B3GAT3: variants seen among roughly 807,000 people sequenced by gnomAD.
B3GAT3 encodes beta-1,3-glucuronyltransferase 3, also known as galactosylgalactosylxylosylprotein 3-beta-glucuronosyltransferase 3.
In B3GAT3, 19 loss-of-function variants were observed where a neutral mutation model predicts 33.1. The ratio of observed to expected loss-of-function variants is 0.57; its 90% CI spans 0.40 to 0.84. The LOEUF is 0.84. Ranked by LOEUF, B3GAT3 falls within the 40% of genes least tolerant of loss-of-function variation. The pLI is 0.00. For missense variants in B3GAT3, 344 were observed against 441.5 expected (o/e 0.78, Z 1.98); for synonymous variants, 167 against 193.5 (o/e 0.86, Z 1.14).
chr11:62,617,131 G>C lies in B3GAT3; in HGVS notation c.474C>G (p.Val158=). 2 of 1,613,962 alleles carry C rather than the reference G, an allele frequency of 1.2e-6. No individual in the cohort carries two copies. The highest frequency in any genetic ancestry group is 1.7e-6 in the Non-Finnish European group (2 of 1,179,992). The change falls in exon 3 of 5, where the codon GTC becomes GTG. Residue 158 remains valine, a synonymous_variant. Transcript: ENST00000265471. The part of the protein sequence containing the change: ...GEPGWVHPRG[V]EQRNKALDWL... Reference sequence around the variant, plus strand: ...AGTCCAGGGCCTTGTTCCGCTGCTCGACACCACGGGGATGAACCCAGCCAG... The same window carrying C: ...AGTCCAGGGCCTTGTTCCGCTGCTCCACACCACGGGGATGAACCCAGCCAG...
intron 1 of B3GAT3, 81 bp downstream of exon 1, chr11:62,621,785 G>C (rs1271038484): frequency 1.4e-6 from 2 of 1,400,802 alleles, no homozygotes; most frequent in East Asian, 2.5e-5. Context: ...GGTGTTTGCC[G>C]GGGGTTCATC....
chr11:62,617,632 T>A (rs1312896687), intron 2 of B3GAT3, among the ~76,000 whole-genome samples: 1 of 150,300 alleles, frequency 6.7e-6, no homozygotes, highest in Admixed American at 6.6e-5. Context: ...AATAACACTT[T>A]GGGAGGCTGA....
Position 62,616,243 on chromosome 11 carries a change from G to A in B3GAT3, c.909+263C>T, listed in dbSNP as rs12794886. The A allele has an allele frequency of 0.11, 51,624 of 488,874 alleles. 568 individuals are homozygous for A. Among genetic ancestry groups the A allele is most frequent in the East Asian group, 0.16 (4,312 of 26,456 alleles). The allele number at this position is 488,874 out of a possible 1,614,324, so 30.3% of individuals were successfully genotyped here. A position where few individuals can be genotyped will look rare whatever the true frequency, so the allele number is the denominator to read the frequency against. On this transcript the variant is annotated intron_variant, in intron 4 of 4. Coordinates refer to ENST00000265471, the MANE Select transcript of B3GAT3 (RefSeq NM_012200.4). ...TGGGTGACACAGCGAGACTCTGTCT[G>A]AAAAAAAAAAAAAAACAACAAACAG...
rs1209822900 is a variant in B3GAT3, at chr11:62,621,851, C to A, written c.82+15G>T. On this transcript the variant is annotated intron_variant, in intron 1 of 4. Transcript: ENST00000265471. ...CTCGGGCCAGCCCGCCGCACCCCCG[C>A]CCCGCCCCGCTCACCGAGCTGTACC... 2 of 1,608,232 alleles carry A rather than the reference C, an allele frequency of 1.2e-6. No homozygotes were observed. Among genetic ancestry groups the A allele is most frequent in the Admixed American group, 1.7e-5 (1 of 59,616 alleles).
chr11:62,616,473 G>T, intron 4 of B3GAT3, 33 bp downstream of exon 4: 1 of 1,613,742 alleles, frequency 6.2e-7, no homozygotes, highest in South Asian at 1.1e-5. Context: ...CCATCCAAGA[G>T]CCAGGTTTCT....
At position 62,621,863 on chromosome 11, in the gene B3GAT3, C is replaced by A; in HGVS notation, c.82+3G>T. The A allele has an allele frequency of 6.2e-7, 1 of 1,611,260 alleles. No individual in the cohort carries two copies. ...CGCCGCACCCCCGCCCCGCCCCGCT[C>A]ACCGAGCTGTACCAGCGCGTAGAGG... is the stretch of plus-strand genomic sequence containing the variant. On this transcript the variant is annotated splice_donor_region_variant and intron_variant, in intron 1 of 4. Transcript: ENST00000265471.
rs1369653675 is a variant in B3GAT3, at chr11:62,615,510, T to C, written c.*191A>G. The C allele has an allele frequency of 3.8e-6, 4 of 1,064,484 alleles. No individual in the cohort carries two copies. The highest frequency in any genetic ancestry group is 4.0e-6 in the Non-Finnish European group (3 of 741,528). The allele number at this position is 1,064,484 out of a possible 1,614,324, so 65.9% of individuals were successfully genotyped here. ...ACACAAGGGCTGCTTGTCCCCAGCC[T>C]GTGGGCAGTGCCACACGGCAGGCTA... On this transcript the variant is annotated 3_prime_UTR_variant, in exon 5 of 5. Transcript: ENST00000265471.
At chr11:62,620,436 C>A (rs539298949) in intron 2 of B3GAT3, 61 bp downstream of exon 2, 2 of 1,542,106 alleles carry the variant, frequency 1.3e-6, no homozygotes, top group African/African-American at 1.4e-5. Context: ...CCCCAAACTC[C>A]TCATCATCAA....
chr11:62,616,432 A>G (rs1943028167), intron 4 of B3GAT3, 74 bp downstream of exon 4: 9 of 1,598,256 alleles, frequency 5.6e-6, no homozygotes, highest in Non-Finnish European at 7.7e-6. Flanking sequence ...ACCCATTCCC[A>G]GGGTCTCACT....
In B3GAT3 at chr11:62,615,329, A is replaced by T; in HGVS notation, c.*372T>A. The T allele has an allele frequency of 2.5e-6, 1 of 403,988 alleles. No individual in the cohort carries two copies. The highest frequency in any genetic ancestry group is 4.6e-6 in the Non-Finnish European group (1 of 217,940). 25.0% of individuals were successfully genotyped at this position (403,988 alleles called of 1,614,324 possible). A position where few individuals can be genotyped will look rare whatever the true frequency, so the allele number is the denominator to read the frequency against. On this transcript the variant is annotated 3_prime_UTR_variant, in exon 5 of 5. Coordinates refer to ENST00000265471, the MANE Select transcript of B3GAT3 (RefSeq NM_012200.4). ...GAGATTCTTTATTCTGGAGGTAGGA[A>T]GGGGGTCAGCATGCTCAGGTGGGAA...
At chr11:62,621,800 G>C in intron 1 of B3GAT3, 66 bp downstream of exon 1, 1 of 1,475,410 alleles carries the variant, frequency 6.8e-7, no homozygotes. Flanking sequence ...TTCATCCCCA[G>C]GGCGGGATGC....
intron 2 of B3GAT3, among the ~76,000 whole-genome samples, chr11:62,617,974 G>C (rs916022145): frequency 6.6e-6 from 1 of 151,326 alleles, no homozygotes; most frequent in African/African-American, 2.4e-5. Flanking sequence ...TTAGGAGTTC[G>C]AGACCAGCCT....
intron 2 of B3GAT3, among the ~76,000 whole-genome samples, chr11:62,618,648 G>A (rs1221796840): frequency 3.4e-5 from 5 of 146,162 alleles, no homozygotes; most frequent in African/African-American, 5.1e-5. Context: ...ATGACAGAGC[G>A]AGACTCCATC....
At chr11:62,620,704 G>T (rs370160277) in intron 1 of B3GAT3, 33 bp from the exon 2 acceptor site, 1 of 1,597,394 alleles carries the variant, frequency 6.3e-7, no homozygotes, top group East Asian at 2.2e-5. Context: ...GGGAAAGAAG[G>T]TGGGGACAGA....
chr11:62,616,509 A>T lies in B3GAT3; in HGVS notation c.906T>A (p.Thr302=). Residue 302 remains threonine, a synonymous_variant, in exon 4 of 5, where the codon ACT becomes ACA. Coordinates refer to ENST00000265471, the MANE Select transcript of B3GAT3 (RefSeq NM_012200.4). ...KDLEPRAANC[T]RVLVWHTRTE... is the part of the protein sequence containing the mutation. Reference sequence around the variant, plus strand: ...ATGCCCATCTCCATTCCCTTACCCGAGTGCAGTTGGCAGCCCGTGGCTCCA... The same window carrying T: ...ATGCCCATCTCCATTCCCTTACCCGTGTGCAGTTGGCAGCCCGTGGCTCCA... 1 of 1,614,072 alleles carries T rather than the reference A, an allele frequency of 6.2e-7. No homozygotes were observed. The highest frequency in any genetic ancestry group is 1.3e-5 in the African/African-American group (1 of 74,984).
At position 62,615,715 on chromosome 11, in the gene B3GAT3, C is replaced by T; in HGVS notation, c.994G>A (p.Ala332Thr). The change falls in exon 5 of 5, where the codon GCA (alanine) becomes ACA (threonine). Residue 332 changes from alanine (A) to threonine (T), a missense_variant. Physicochemically the swap from Ala to Thr is moderately conservative, Grantham distance 58. Coordinates refer to ENST00000265471, the MANE Select transcript of B3GAT3 (RefSeq NM_012200.4). ...LQRQGRGSDP[A>T]IEV ...TGGGGCCGCCATCACACCTCAATTG[C>T]TGGGTCTGAGCCCCGGCCCTGCCGC... 1 of 1,613,750 alleles carries T rather than the reference C, an allele frequency of 6.2e-7. No homozygotes were observed.
At position 62,615,790 on chromosome 11, in the gene B3GAT3, A is replaced by G; in HGVS notation, c.919T>C (p.Trp307Arg). ...RAANCTRVLV[W>R]HTRTEKPKMK... ...TTGGGCTTCTCTGTCCGAGTATGCC[A>G]CACCAGTACCTGTGCCAGGAGGGAT... The change falls in exon 5 of 5, where the codon TGG (tryptophan) becomes CGG (arginine). Residue 307 changes from tryptophan to arginine, a missense_variant. Coordinates refer to ENST00000265471, the MANE Select transcript of B3GAT3 (RefSeq NM_012200.4). 1 of 1,613,852 alleles carries G rather than the reference A, an allele frequency of 6.2e-7. No homozygotes were observed. Among genetic ancestry groups the G allele is most frequent in the South Asian group, 1.1e-5 (1 of 91,074 alleles).
chr11:62,620,010 TTTC>T (rs1462991508), intron 2 of B3GAT3, among the ~76,000 whole-genome samples: 3 of 152,166 alleles, frequency 2.0e-5, no homozygotes, highest in Non-Finnish European at 4.4e-5. Flanking sequence ...AACTATTTTT[TTTC>T]TTTTTTCTTT....
intron 2 of B3GAT3, among the ~76,000 whole-genome samples, chr11:62,618,156 G>A (rs1356901143): frequency 3.0e-5 from 3 of 100,938 alleles, no homozygotes; most frequent in African/African-American, 7.9e-5. Flanking sequence ...CAGCCTGAGC[G>A]ACAAGAGCGA....
Sources: gnomAD v4.1 joint callset for allele counts (sites outside exome capture counted in the v4.1 genomes callset) on GRCh38, gnomAD v4.1.1 for gene constraint, MANE v1.5 for transcripts, NCBI Gene and HGNC (gene_info 2026-07-23, HGNC 2026-07-21) for gene names.